Variants in PHF10 observed in about 807,000 individuals in gnomAD.
PHF10 encodes PHD finger protein 10.
In PHF10, 51 loss-of-function variants were observed where a neutral mutation model predicts 68.5. The ratio of observed to expected loss-of-function variants is 0.74; its 90% CI spans 0.59 to 0.94. The LOEUF (loss-of-function observed/expected upper bound fraction) is 0.94, where lower values mean the gene tolerates loss of function less well. Ranked by LOEUF, PHF10 falls within the 40% of genes least tolerant of loss-of-function variation. The pLI is 0.00. For synonymous variants in PHF10, 204 were observed against 203.5 expected (o/e 1.00, Z -0.02); for missense variants, 460 against 602.6 (o/e 0.76, Z 2.48).
At chr6:169,715,265 GT>G (rs1789019455) in intron 6 of PHF10, among the ~76,000 whole-genome samples, 1 of 152,076 alleles carries the variant, frequency 6.6e-6, no homozygotes, top group Non-Finnish European at 1.5e-5. Context: ...ATTATTAACC[GT>G]AAAGCAAAAG....
rs535841391 is a variant in PHF10 at position 169,714,621 on chromosome 6, G to A, written c.803+112C>T. 1.6e-4 allele frequency: 108 copies of A among 692,968 alleles called. No homozygotes were observed. The Middle Eastern group carries it at 2.5e-3, about 16-fold the overall frequency. 42.9% of individuals were successfully genotyped at this position (692,968 alleles called of 1,614,324 possible). A position where few individuals can be genotyped will look rare whatever the true frequency, so the allele number is the denominator to read the frequency against. On this transcript the variant is annotated intron_variant, in intron 7 of 11. Transcript: ENST00000339209. ...AAGAATAGCAACACAAATCCTATAC[G>A]ATATCTTACGGTGATATCTATAGAC...
rs1789250355 is a variant in PHF10 at position 169,723,864 on chromosome 6, G to T, written c.68C>A (p.Pro23His). The T allele has an allele frequency of 9.1e-7, 1 of 1,096,624 alleles. No homozygotes were observed. The highest frequency in any genetic ancestry group is 1.1e-6 in the Non-Finnish European group (1 of 895,044). 67.9% of individuals were successfully genotyped at this position (1,096,624 alleles called of 1,614,324 possible). A position where few individuals can be genotyped will look rare whatever the true frequency, so the allele number is the denominator to read the frequency against. ...CCTCACCTTCGGGGACTGCGCTCCG[G>T]GGGTGGCTGGGTCGCTGTCGCACGG... ...PRPCDSDPAT[P>H]GAQSPKDDNE... is the part of the protein sequence containing the mutation. Residue 23 changes from proline to histidine, a missense_variant, in exon 1 of 12, where the codon CCC becomes CAC. By Grantham distance (77) the Pro-to-His change is moderately conservative. Transcript: ENST00000339209.
chr6:169,704,106 A>T lies in PHF10; in HGVS notation c.1412-18T>A, dbSNP rs1392456665. ...CCAGCGACCTAGGAAAAAAATTGTT[A>T]ATATAGAATGAAAAATTATCTTTAC... is the stretch of plus-strand genomic sequence containing the variant. On this transcript the variant is annotated intron_variant, in intron 11 of 11. Transcript: ENST00000339209. The T allele has an allele frequency of 6.4e-7, 1 of 1,564,710 alleles. No individual in the cohort carries two copies. Among genetic ancestry groups the T allele is most frequent in the Admixed American group, 2.2e-5 (1 of 46,234 alleles).
chr6:169,718,029 A>C lies in PHF10; in HGVS notation c.326-123T>G. On this transcript the variant is annotated intron_variant, in intron 3 of 11. Transcript: ENST00000339209. ...ATATTACATATTCCAAATATTATTA[A>C]AGGGGCTACAAAAAAATTTATAAAT... 4 of 480,742 alleles carry C rather than the reference A, an allele frequency of 8.3e-6. 1 individual carries two copies. In the East Asian group the frequency reaches 1.3e-4, roughly 15 times the overall value. 29.8% of individuals were successfully genotyped at this position (480,742 alleles called of 1,614,324 possible).
In PHF10 at chr6:169,718,669, T is replaced by TA. The variant is rs548658132; in HGVS notation, c.325+118dup. 4.9e-3 allele frequency: 3,059 copies of TA among 626,140 alleles called. 5 individuals are homozygous for TA. Among genetic ancestry groups the TA allele is most frequent in the South Asian group, 0.014 (575 of 42,592 alleles). 38.8% of individuals were successfully genotyped at this position (626,140 alleles called of 1,614,324 possible). On this transcript the variant is annotated intron_variant, in intron 3 of 11. Coordinates refer to ENST00000339209, the MANE Select transcript of PHF10 (RefSeq NM_018288.4). Reference sequence around the variant, plus strand: ...GGTTACAGAATGAGACCCTTAGTCTTAAAAAAAAACAGCAAGCACAAGAAT... The same window carrying TA: ...GGTTACAGAATGAGACCCTTAGTCTTAAAAAAAAAACAGCAAGCACAAGAAT...
chr6:169,709,105 T>G (rs536859274), intron 9 of PHF10: 50 of 152,154 alleles, frequency 3.3e-4, no homozygotes, highest in African/African-American at 1.2e-3. Flanking sequence ...GTTAATTACA[T>G]AAAAGCATTT....
chr6:169,722,082 T>C (rs944412308), intron 1 of PHF10, among the ~76,000 whole-genome samples: 1 of 152,274 alleles, frequency 6.6e-6, no homozygotes, highest in African/African-American at 2.4e-5. Context: ...CCCCATTACA[T>C]GGCTAATTCA....
intron 11 of PHF10, chr6:169,704,920 G>A (rs1788723384): frequency 4.8e-6 from 2 of 414,116 alleles, no homozygotes; most frequent in African/African-American, 2.1e-5. Flanking sequence ...CCAAAACTTA[G>A]CAGGGGCATT....
Position 169,712,458 on chromosome 6 carries a change from T to C in PHF10, c.885A>G (p.Leu295=). ...EPPLDPELPA[L]DSDGDSDDGE... is the part of the protein sequence containing the mutation. The stretch of plus-strand genomic sequence containing the variant: ...CATCATCTGAATCACCATCACTGTC[T>C]AGAGCAGGGAGCTCAGGATCCAGAG... The change falls in exon 8 of 12, where the codon CTA becomes CTG. Residue 295 remains leucine (L), a synonymous_variant. Coordinates refer to ENST00000339209, the MANE Select transcript of PHF10 (RefSeq NM_018288.4). The C allele has an allele frequency of 6.2e-7, 1 of 1,613,974 alleles. No individual in the cohort carries two copies. The highest frequency in any genetic ancestry group is 8.5e-7 in the Non-Finnish European group (1 of 1,179,804).
chr6:169,704,324 C>T (rs1292195827), intron 11 of PHF10: 9 of 461,234 alleles, frequency 2.0e-5, no homozygotes, highest in South Asian at 5.3e-5. Flanking sequence ...CAATGCCATA[C>T]GGTGATACGG....
Position 169,704,054 on chromosome 6 carries a change from G to A in PHF10, c.1446C>T (p.Pro482=), listed in dbSNP as rs138612904. 1.6e-4 allele frequency: 253 copies of A among 1,586,386 alleles called. 1 individual carries two copies. The African/African-American group carries it at 2.4e-3, about 15-fold the overall frequency. Residue 482 remains proline (P), a synonymous_variant, in exon 12 of 12, where the codon CCC becomes CCT. Coordinates refer to ENST00000339209, the MANE Select transcript of PHF10 (RefSeq NM_018288.4). The part of the protein sequence containing the change: ...RWICDCCQRA[P]PTPRKVGRRG... Reference sequence around the variant, plus strand: ...TTCTGCCCACTTTCCTGGGTGTTGGGGGGGCCCGCTGACAACAGTCACAAA... The same window carrying A: ...TTCTGCCCACTTTCCTGGGTGTTGGAGGGGCCCGCTGACAACAGTCACAAA...
chr6:169,723,549 C>T (rs1255798745), intron 1 of PHF10, among the ~76,000 whole-genome samples: 1 of 152,156 alleles, frequency 6.6e-6, no homozygotes, highest in African/African-American at 2.4e-5. Context: ...GGGCGCGTTC[C>T]GTCCCACGGC....
At chr6:169,705,460 A>G in intron 10 of PHF10, 139 bp from the exon 11 acceptor site, 1 of 716,708 alleles carries the variant, frequency 1.4e-6, no homozygotes, top group Non-Finnish European at 2.4e-6. Context: ...TATACAATGT[A>G]GAGGAAAACA....
At chr6:169,718,726 T>C (rs1209847629) in intron 3 of PHF10, 62 bp downstream of exon 3, 25 of 963,268 alleles carry the variant, frequency 2.6e-5, no homozygotes, top group African/African-American at 5.0e-5. Context: ...AATTCAGAAG[T>C]TGACAGTGTA....
chr6:169,709,278 T>C (rs1788875405), intron 9 of PHF10: 1 of 151,906 alleles, frequency 6.6e-6, no homozygotes, highest in Non-Finnish European at 1.5e-5. Flanking sequence ...ACATACAAGG[T>C]GTTTAACAAT....
At position 169,704,003 on chromosome 6, in the gene PHF10, T is replaced by G; in HGVS notation, c.1497A>C (p.Ter499TyrextTer4). The G allele has an allele frequency of 6.3e-7, 1 of 1,598,538 alleles. No individual in the cohort carries two copies. Reference sequence around the variant, plus strand: ...TACAGTATTAGAGTCAAAAACTATTTTATCCCTCTTTGCTGTTTTTCCCCC... The same window carrying G: ...TACAGTATTAGAGTCAAAAACTATTGTATCCCTCTTTGCTGTTTTTCCCCC... Reference protein sequence around the residue: ...GRRGKNSKEG* With the variant: ...GRRGKNSKEGY The change falls in exon 12 of 12, where the codon TAA (stop) becomes TAC (tyrosine). Residue 499 changes from the stop codon to tyrosine, a stop_lost. Coordinates refer to ENST00000339209, the MANE Select transcript of PHF10 (RefSeq NM_018288.4).
At chr6:169,719,732 G>C (rs1470106240) in intron 2 of PHF10, among the ~76,000 whole-genome samples, 1 of 152,012 alleles carries the variant, frequency 6.6e-6, no homozygotes, top group African/African-American at 2.4e-5. Flanking sequence ...ACTCTTAGAA[G>C]AAAACATAGA....
intron 10 of PHF10, 75 bp from the exon 11 acceptor site, chr6:169,705,396 G>T: frequency 9.8e-7 from 1 of 1,023,896 alleles, no homozygotes; most frequent in Non-Finnish European, 1.5e-6. Flanking sequence ...ATACTAGTTT[G>T]CTTTAGGACT....
rs1585308427 is a variant in PHF10 at position 169,724,376 on chromosome 6, GCGGCCGCCTCAGCC to G, written c.-459_-446del. ...CCCGCCGCTCGCTCGCCTCAGCCCC[GCGGCCGCCTCAGCC>G]CCGCCGCTCGCCTCAGCCCCGCCGC... On this transcript the variant is annotated 5_prime_UTR_variant, in exon 1 of 12. Transcript: ENST00000339209. Among the ~76,000 whole-genome samples the G allele has an allele frequency of 9.0e-6, 1 of 110,962 alleles. No homozygotes were observed. Among genetic ancestry groups the G allele is most frequent in the Non-Finnish European group, 1.9e-5 (1 of 53,568 alleles). 72.8% of individuals were successfully genotyped at this position (110,962 alleles called of 152,430 possible). A position where few individuals can be genotyped will look rare whatever the true frequency, so the allele number is the denominator to read the frequency against.
Sources: gnomAD v4.1 joint callset for allele counts (sites outside exome capture counted in the v4.1 genomes callset) on GRCh38, gnomAD v4.1.1 for gene constraint, MANE v1.5 for transcripts, NCBI Gene and HGNC (gene_info 2026-07-23, HGNC 2026-07-21) for gene names.